The following UBE2E1 variants were observed in gnomAD, a reference collection of about 807,000 sequenced individuals.
UBE2E1 encodes the protein ubiquitin conjugating enzyme E2 E1.
UBE2E1 carries 6 observed loss-of-function variants against 21.4 expected under a neutral mutation model. That is an observed-to-expected ratio of 0.28 (90% CI 0.15 to 0.55). The LOEUF (loss-of-function observed/expected upper bound fraction) is 0.55. UBE2E1 is among the 20% of genes least tolerant of loss of function. The pLI, the probability that UBE2E1 is intolerant of heterozygous loss-of-function variation, is 0.93. For missense variants in UBE2E1, 142 were observed against 236.5 expected, an observed-to-expected ratio of 0.60 and a Z score of 2.62; for synonymous variants, 87 against 82.7, an observed-to-expected ratio of 1.05 and a Z score of -0.28.
At chr3:23,851,489 A>G (rs1004590261) in intron 3 of UBE2E1, among the ~76,000 whole-genome samples, 1 of 152,064 alleles carries the variant, frequency 6.6e-6, no homozygotes, top group Non-Finnish European at 1.5e-5. Flanking sequence ...TCTGTACACC[A>G]GTTTGAGAAG....
At chr3:23,815,812 A>T (rs76403975) in intron 3 of UBE2E1, among the ~76,000 whole-genome samples, 443 of 152,354 alleles carry the variant, frequency 2.9e-3, no homozygotes, top group African/African-American at 0.01. Flanking sequence ...TCTTTCATTT[A>T]TCTGATGTTA....
chr3:23,809,324 T>TA (rs1159605279), intron 2 of UBE2E1, among the ~76,000 whole-genome samples: 3 of 152,204 alleles, frequency 2.0e-5, no homozygotes, highest in African/African-American at 7.2e-5. Context: ...AGTGGGACCC[T>TA]ATAGAGGCTG....
intron 3 of UBE2E1, among the ~76,000 whole-genome samples, chr3:23,817,435 AAAAGAAAG>A (rs796365279): frequency 6.7e-6 from 1 of 148,648 alleles, no homozygotes; most frequent in South Asian, 2.1e-4. Context: ...AAAAAAAAAA[AAAAGAAAG>A]AAAAGAAAAG....
chr3:23,817,822 T>C (rs1042116863), intron 3 of UBE2E1, among the ~76,000 whole-genome samples: 3 of 152,186 alleles, frequency 2.0e-5, no homozygotes, highest in Non-Finnish European at 2.9e-5. Context: ...TAAATAGTAA[T>C]AGATAAAGCT....
chr3:23,881,824 C>T (rs866767267), intron 3 of UBE2E1, among the ~76,000 whole-genome samples: 27 of 152,256 alleles, frequency 1.8e-4, no homozygotes, highest in African/African-American at 5.3e-4. Flanking sequence ...GATGTTCGGA[C>T]GTGTTCAGAG....
intron 3 of UBE2E1, among the ~76,000 whole-genome samples, chr3:23,872,963 G>A (rs1054971933): frequency 6.6e-6 from 1 of 151,944 alleles, no homozygotes; most frequent in Admixed American, 6.6e-5. Flanking sequence ...GTTGCAGTGA[G>A]CCTAGATCAC....
intron 3 of UBE2E1, among the ~76,000 whole-genome samples, chr3:23,881,807 T>C (rs1280280713): frequency 6.6e-6 from 1 of 152,216 alleles, no homozygotes; most frequent in East Asian, 1.9e-4. Flanking sequence ...CGGAGTTTGT[T>C]CCTTCTGATG....
intron 3 of UBE2E1, among the ~76,000 whole-genome samples, chr3:23,883,974 C>A (rs572665215): frequency 6.6e-6 from 1 of 151,754 alleles, no homozygotes; most frequent in Admixed American, 6.6e-5. Context: ...ATTCTCAAGA[C>A]CATTCACAGT....
At position 23,889,097 on chromosome 3, in the gene UBE2E1, A is replaced by G; in HGVS notation, c.337-15A>G. Reference sequence around the variant, plus strand: ...GTTTGCTGTTTAAATATTGTCTGTCACTTGTTTTTTTTAGGTTACATTTCG... The same window carrying G: ...GTTTGCTGTTTAAATATTGTCTGTCGCTTGTTTTTTTTAGGTTACATTTCG... On this transcript the variant is annotated splice_polypyrimidine_tract_variant and intron_variant, in intron 4 of 5. Transcript: ENST00000306627. 1 of 1,586,774 alleles carries G rather than the reference A, an allele frequency of 6.3e-7. No individual in the cohort carries two copies. The highest frequency in any genetic ancestry group is 8.6e-7 in the Non-Finnish European group (1 of 1,168,174).
chr3:23,850,155 T>G (rs565353328), intron 3 of UBE2E1, among the ~76,000 whole-genome samples: 56 of 152,310 alleles, frequency 3.7e-4, no homozygotes, highest in Non-Finnish European at 7.8e-4. Context: ...TTAAAAGTTC[T>G]TATTTATCTA....
chr3:23,872,915 G>T (rs1575032396), intron 3 of UBE2E1, among the ~76,000 whole-genome samples: 2 of 152,226 alleles, frequency 1.3e-5, no homozygotes, highest in East Asian at 1.9e-4. Context: ...TACTCAGGAG[G>T]CTGAGGCAGG....
chr3:23,852,313 C>T (rs1181306697), intron 3 of UBE2E1, among the ~76,000 whole-genome samples: 1 of 152,000 alleles, frequency 6.6e-6, no homozygotes, highest in African/African-American at 2.4e-5. Flanking sequence ...GGTTTTTAGT[C>T]TGCAGTGTAC....
intron 3 of UBE2E1, among the ~76,000 whole-genome samples, chr3:23,872,852 A>T (rs1700832947): frequency 6.6e-6 from 1 of 152,084 alleles, no homozygotes; most frequent in South Asian, 2.1e-4. Flanking sequence ...CCCCGTCTCT[A>T]CTAAAAATAC....
chr3:23,811,161 A>G, intron 2 of UBE2E1: 1 of 448,422 alleles, frequency 2.2e-6, no homozygotes, highest in South Asian at 4.1e-5. Flanking sequence ...GCAAGTGAGA[A>G]ACTTTAAAAT....
In UBE2E1 at chr3:23,880,265, C is replaced by T. The variant is rs533907970; in HGVS notation, c.204-7302C>T. On this transcript the variant is annotated intron_variant, in intron 3 of 5. Transcript: ENST00000306627. ...GGGTGTGGTGGCGGATGCCTGTAAT[C>T]CCAGCTACTCAGGAGGCTGAGGCAG... Among the ~76,000 whole-genome samples, 4 of 152,162 alleles carry T rather than the reference C, an allele frequency of 2.6e-5. No homozygotes were observed. The South Asian group carries it at 6.2e-4, about 24-fold the overall frequency.
intron 3 of UBE2E1, among the ~76,000 whole-genome samples, chr3:23,880,468 G>T (rs1443528184): frequency 1.3e-5 from 2 of 152,124 alleles, no homozygotes; most frequent in African/African-American, 4.8e-5. Flanking sequence ...TAGGGAGGCT[G>T]AGGTGGGAGA....
chr3:23,865,294 T>C (rs541607898), intron 3 of UBE2E1, among the ~76,000 whole-genome samples: 2 of 152,262 alleles, frequency 1.3e-5, no homozygotes, highest in South Asian at 4.1e-4. Context: ...TCTTAGGTAG[T>C]TTATGTCATA....
chr3:23,831,181 G>A (rs1052089069), intron 3 of UBE2E1, among the ~76,000 whole-genome samples: 4 of 152,196 alleles, frequency 2.6e-5, no homozygotes, highest in African/African-American at 9.7e-5. Flanking sequence ...TTGAGTGTGT[G>A]TCTGATAACC....
rs577924866 is a variant in UBE2E1 at position 23,870,499 on chromosome 3, A to G, written c.204-17068A>G. On this transcript the variant is annotated intron_variant, in intron 3 of 5. Transcript: ENST00000306627. This position sits in a 1 kb window ranked among gnomAD's most constrained non-coding sequence, Gnocchi z 4.2. ...AGCAGCTTTAAGCACAGAGGCGCAG[A>G]TAGGGGTAGCTAGAACTTGGCCACA... Among the ~76,000 whole-genome samples, 31 of 152,258 alleles carry G rather than the reference A, an allele frequency of 2.0e-4. No individual in the cohort carries two copies. The South Asian group carries it at 5.8e-3, about 29-fold the overall frequency.
Sources: allele counts gnomAD v4.1 joint callset (sites outside exome capture counted in the v4.1 genomes callset), GRCh38; gene constraint gnomAD v4.1.1; non-coding constraint Gnocchi (gnomAD v3.1); transcripts MANE v1.5; gene names NCBI Gene and HGNC (gene_info 2026-07-23, HGNC 2026-07-21).